Variants in JMY observed in about 807,000 individuals in gnomAD.
JMY encodes junction mediating and regulatory protein, p53 cofactor.
In JMY, 46 loss-of-function variants were observed where a neutral mutation model predicts 103.3. That is an observed-to-expected ratio of 0.45 (90% confidence interval 0.35 to 0.57). The LOEUF (loss-of-function observed/expected upper bound fraction) is 0.57, where lower values mean the gene tolerates loss of function less well. Among genes scored for constraint, JMY ranks in the 20% least tolerant of loss-of-function variants. JMY has a pLI of 0.00. For synonymous variants in JMY, 526 were observed against 489.3 expected, an observed-to-expected ratio of 1.07 and a Z score of -0.99; for missense variants, 1,238 against 1,255.2, an observed-to-expected ratio of 0.99 and a Z score of 0.21.
At position 79,312,390 on chromosome 5, in the gene JMY, A is replaced by T; in HGVS notation, c.1969-13A>T. The T allele has an allele frequency of 2.7e-6, 4 of 1,464,804 alleles. No individual in the cohort carries two copies. Among genetic ancestry groups the T allele is most frequent in the Non-Finnish European group, 3.7e-6 (4 of 1,075,214 alleles). 90.7% of individuals were successfully genotyped at this position (1,464,804 alleles called of 1,614,324 possible). ...GACACAGCATAATGGAATTATTATT[A>T]ATTTTTTACCAGAAGAGAGAAAAAT... On this transcript the variant is annotated splice_polypyrimidine_tract_variant and intron_variant, in intron 7 of 10. Coordinates refer to ENST00000396137, the MANE Select transcript of JMY (RefSeq NM_152405.5).
chr5:79,276,439 C>CT (rs1292495887), intron 1 of JMY, among the ~76,000 whole-genome samples: 3 of 151,272 alleles, frequency 2.0e-5, no homozygotes, highest in Non-Finnish European at 4.4e-5. Flanking sequence ...TTTGTTTGTT[C>CT]TTTTTTTTGA....
At chr5:79,276,795 CGG>C (rs1030447679) in intron 1 of JMY, among the ~76,000 whole-genome samples, 2 of 151,648 alleles carry the variant, frequency 1.3e-5, no homozygotes, top group Non-Finnish European at 2.9e-5. Flanking sequence ...TTAGTAGAGA[CGG>C]GGTTTCACCA....
intron 2 of JMY, among the ~76,000 whole-genome samples, chr5:79,281,944 G>A (rs1467810742): frequency 6.6e-6 from 1 of 152,182 alleles, no homozygotes; most frequent in African/African-American, 2.4e-5. Context: ...AGTGGCTCAT[G>A]CCTGTAATCC....
At chr5:79,253,417 T>G (rs769797150) in intron 1 of JMY, among the ~76,000 whole-genome samples, 1 of 151,932 alleles carries the variant, frequency 6.6e-6, no homozygotes, top group Non-Finnish European at 1.5e-5. Context: ...CTCAGCCTCC[T>G]GAGTAGTTGG....
intron 1 of JMY, among the ~76,000 whole-genome samples, chr5:79,262,035 C>G (rs1178898624): frequency 6.6e-6 from 1 of 152,168 alleles, no homozygotes; most frequent in African/African-American, 2.4e-5. Context: ...CTTTCCAGGC[C>G]CCTGCTCTTT....
intron 10 of JMY, among the ~76,000 whole-genome samples, chr5:79,319,323 A>G (rs932111722): frequency 3.3e-5 from 5 of 152,148 alleles, no homozygotes; most frequent in African/African-American, 1.2e-4. Flanking sequence ...TACAATGTTG[A>G]GAGAGAAACA....
chr5:79,281,258 A>G (rs1274690402), intron 2 of JMY, among the ~76,000 whole-genome samples: 2 of 149,662 alleles, frequency 1.3e-5, no homozygotes. Flanking sequence ...GTTGGCCAGG[A>G]TGGTCTCGAT....
Position 79,290,014 on chromosome 5 carries a change from TGAGCAGGGAAGAACAAGTA to T in JMY, c.1207-106_1207-88del, listed in dbSNP as rs1746376066. The T allele has an allele frequency of 8.1e-6, 6 of 743,018 alleles. No individual in the cohort carries two copies. The South Asian group carries it at 1.7e-4, about 21-fold the overall frequency. 46.0% of individuals were successfully genotyped at this position (743,018 alleles called of 1,614,324 possible). A position where few individuals can be genotyped will look rare whatever the true frequency, so the allele number is the denominator to read the frequency against. ...TTTGTAAACTAATAGCTTATCCTCT[TGAGCAGGGAAGAACAAGTA>T]TTCTTTGTGGTATATAAACTTTAAA... On this transcript the variant is annotated intron_variant, in intron 2 of 10. Coordinates refer to ENST00000396137, the MANE Select transcript of JMY (RefSeq NM_152405.5).
chr5:79,317,513 ATGT>A (rs1388037844), intron 10 of JMY, among the ~76,000 whole-genome samples: 6 of 152,210 alleles, frequency 3.9e-5, no homozygotes, highest in Non-Finnish European at 7.3e-5. Context: ...GGTAACTGAA[ATGT>A]TGTAATTTGT....
intron 2 of JMY, 32 bp from the exon 3 acceptor site, chr5:79,290,089 A>C (rs760650025): frequency 3.3e-6 from 5 of 1,527,370 alleles, no homozygotes; most frequent in Non-Finnish European, 3.5e-6. Flanking sequence ...GAAAGACTTG[A>C]ACTTCTTAAT....
intron 1 of JMY, among the ~76,000 whole-genome samples, chr5:79,246,605 G>A (rs1257295918): frequency 1.3e-5 from 2 of 152,116 alleles, no homozygotes; most frequent in Admixed American, 1.3e-4. Context: ...TATGTTGGCC[G>A]GGCACAGTAT....
chr5:79,237,852 G>T (rs1158407201), intron 1 of JMY, among the ~76,000 whole-genome samples, 170 bp downstream of exon 1: 2 of 151,970 alleles, frequency 1.3e-5, no homozygotes, highest in African/African-American at 4.8e-5. Context: ...CCTCTCGGTG[G>T]CTGCTTAATT....
rs1377235007 is a variant in JMY at position 79,323,463 on chromosome 5, CG to C, written c.*1862del. The C allele has an allele frequency of 6.6e-6, 1 of 152,078 alleles. No homozygotes were observed. Among genetic ancestry groups the C allele is most frequent in the East Asian group, 1.9e-4 (1 of 5,190 alleles). The allele number at this position is 152,078 out of a possible 1,614,324, so 9.4% of individuals were successfully genotyped here. On this transcript the variant is annotated 3_prime_UTR_variant, in exon 11 of 11. Coordinates refer to ENST00000396137, the MANE Select transcript of JMY (RefSeq NM_152405.5). ...ATTTGCCCTTGGTAAAATATTAAAGCGTATTTCTTAACCCAAAGAGTGATTG... is the reference window on the plus strand; with the variant it reads ...ATTTGCCCTTGGTAAAATATTAAAGCTATTTCTTAACCCAAAGAGTGATTG...
At chr5:79,294,441 TAAAG>T (rs1348789920) in intron 4 of JMY, among the ~76,000 whole-genome samples, 2 of 152,128 alleles carry the variant, frequency 1.3e-5, no homozygotes, top group East Asian at 3.9e-4. Context: ...TGAAATGAAA[TAAAG>T]CCATCATGAA....
chr5:79,282,147 C>A (rs144276079), intron 2 of JMY, among the ~76,000 whole-genome samples: 1,674 of 152,130 alleles, frequency 0.011, 32 homozygotes, highest in African/African-American at 0.037. Flanking sequence ...GTGGAGCTTG[C>A]AGTGAGCCGA....
chr5:79,300,569 A>C, intron 5 of JMY, 107 bp from the exon 6 acceptor site: 1 of 866,472 alleles, frequency 1.2e-6, no homozygotes, highest in Non-Finnish European at 1.7e-6. Flanking sequence ...TTAAGAGATA[A>C]TGGCTTTGCC....
chr5:79,284,565 T>C, intron 2 of JMY: 1 of 1,534,146 alleles, frequency 6.5e-7, no homozygotes, highest in South Asian at 1.1e-5. Context: ...GCTTCAATCA[T>C]TGTCTGCCAT....
chr5:79,250,478 A>G (rs1159577549), intron 1 of JMY, among the ~76,000 whole-genome samples: 1 of 152,164 alleles, frequency 6.6e-6, no homozygotes, highest in Admixed American at 6.5e-5. Context: ...TAGGCGTCCC[A>G]GACAACCCTG....
intron 1 of JMY, among the ~76,000 whole-genome samples, chr5:79,247,388 C>T (rs934144959): frequency 1.3e-5 from 2 of 151,986 alleles, no homozygotes; most frequent in African/African-American, 4.8e-5. Context: ...CTGCAACCTC[C>T]ACCTCTCGGG....
Sources: allele counts gnomAD v4.1 joint callset (sites outside exome capture counted in the v4.1 genomes callset), GRCh38; gene constraint gnomAD v4.1.1; transcripts MANE v1.5; gene names NCBI Gene and HGNC (gene_info 2026-07-23, HGNC 2026-07-21).